MTRF1: variants seen among roughly 807,000 people sequenced by gnomAD.
MTRF1 encodes mitochondrial translation release factor 1.
Under a neutral mutation model 62.9 loss-of-function variants are expected in MTRF1, and 51 were observed. The ratio of observed to expected loss-of-function variants is 0.81; its 90% CI spans 0.65 to 1.02. The LOEUF is 1.02. Ranked by LOEUF, MTRF1 falls within the 50% of genes least tolerant of loss-of-function variation. The pLI, the probability that MTRF1 is intolerant of heterozygous loss-of-function variation, is 0.00. For missense variants in MTRF1, 446 were observed against 530.0 expected (o/e 0.84, Z 1.56); for synonymous variants, 158 against 181.9 (o/e 0.87, Z 1.06).
the MTRF1 span, among the ~76,000 whole-genome samples, chr13:41,296,064 C>G: frequency 6.6e-6 from 1 of 152,158 alleles, no homozygotes; most frequent in African/African-American, 2.4e-5. Flanking sequence ...AATCCTTGGT[C>G]TCCTGAGTAG....
At chr13:41,275,304 C>T in the MTRF1 span, among the ~76,000 whole-genome samples, 10 of 150,290 alleles carry the variant, frequency 6.7e-5, no homozygotes, top group African/African-American at 2.5e-4. Context: ...GGGTTCATGC[C>T]ATTCTTTTGC....
At chr13:41,244,685 A>G (rs1264092725) in intron 5 of MTRF1, among the ~76,000 whole-genome samples, 1 of 152,196 alleles carries the variant, frequency 6.6e-6, no homozygotes, top group African/African-American at 2.4e-5. Context: ...ACAGGTCGCT[A>G]TGTTGGGAAT....
chr13:41,255,766 G>A (rs73473174), intron 2 of MTRF1, among the ~76,000 whole-genome samples: 1 of 152,206 alleles, frequency 6.6e-6, no homozygotes, highest in East Asian at 1.9e-4. Context: ...TGGAGAAAAT[G>A]GGCCTTTTTC....
intron 9 of MTRF1, chr13:41,220,441 C>T: frequency 2.0e-6 from 1 of 511,282 alleles, no homozygotes; most frequent in Non-Finnish European, 3.3e-6. Flanking sequence ...GTCAAGAAAT[C>T]TGCACAAGGA....
chr13:41,242,810 G>A (rs763760865), intron 5 of MTRF1, among the ~76,000 whole-genome samples: 6 of 152,216 alleles, frequency 3.9e-5, no homozygotes, highest in Middle Eastern at 3.4e-3. Context: ...ATGGCTGGGC[G>A]CAGTGGTTCA....
At chr13:41,307,554 G>T in the MTRF1 span, among the ~76,000 whole-genome samples, 1 of 151,684 alleles carries the variant, frequency 6.6e-6, no homozygotes, top group African/African-American at 2.4e-5. Context: ...AACCCAGGAG[G>T]TTGCAGTGAC....
intron 8 of MTRF1, 74 bp downstream of exon 8, chr13:41,226,358 C>T (rs2034431209): frequency 1.4e-6 from 2 of 1,456,112 alleles, no homozygotes; most frequent in South Asian, 1.3e-5. Flanking sequence ...TAAGCAAGAA[C>T]AAACACTGCA....
the MTRF1 span, among the ~76,000 whole-genome samples, chr13:41,269,545 CAA>C: frequency 9.6e-6 from 1 of 104,488 alleles, no homozygotes; most frequent in Non-Finnish European, 2.1e-5. Context: ...TTCAATTAGA[CAA>C]AAATTGTTCA....
chr13:41,224,777 T>C (rs1210536907), intron 8 of MTRF1, among the ~76,000 whole-genome samples: 2 of 152,238 alleles, frequency 1.3e-5, no homozygotes, highest in African/African-American at 4.8e-5. Context: ...TTCTAAGCCT[T>C]AGAAATCCCT....
At chr13:41,301,742 C>T in the MTRF1 span, among the ~76,000 whole-genome samples, 495 of 150,062 alleles carry the variant, frequency 3.3e-3, 4 homozygotes, top group African/African-American at 0.01. Flanking sequence ...AGTGAGACTC[C>T]GTCTCAAAAA....
At chr13:41,304,216 C>A in the MTRF1 span, among the ~76,000 whole-genome samples, 1 of 152,142 alleles carries the variant, frequency 6.6e-6, no homozygotes, top group Admixed American at 6.5e-5. Context: ...ACCTTGTGGA[C>A]TGAGAAACTT....
Position 41,260,634 on chromosome 13 carries a change from A to G in MTRF1, c.274T>C (p.Cys92Arg), listed in dbSNP as rs781228010. ...LSKEYQTLEQ[C>R]LQHIPVNEEN... ...TCATTCACAGGGATATGCTGCAGAC[A>G]TTGCTCAAGTGTTTGGTACTCCTTA... The change falls in exon 2 of 10, where the codon TGT becomes CGT. Residue 92 changes from cysteine to arginine, a missense_variant. Coordinates refer to ENST00000379480, the MANE Select transcript of MTRF1 (RefSeq NM_004294.4). 1.2e-6 allele frequency: 2 copies of G among 1,614,128 alleles called. No individual in the cohort carries two copies. The highest frequency in any genetic ancestry group is 1.7e-6 in the Non-Finnish European group (2 of 1,180,002).
rs1477282857 is a variant in MTRF1, at chr13:41,223,371, A to G, written c.1126-17T>C. On this transcript the variant is annotated splice_polypyrimidine_tract_variant and intron_variant, in intron 8 of 9. Transcript: ENST00000379480. ...TGTTCCCACCTGTGCCATAACAAAA[A>G]GCAATTTATATTTTACCTTTATAAA... 10 of 1,598,728 alleles carry G rather than the reference A, an allele frequency of 6.3e-6. No homozygotes were observed. The highest frequency in any genetic ancestry group is 8.6e-6 in the Non-Finnish European group (10 of 1,167,682).
the MTRF1 span, among the ~76,000 whole-genome samples, chr13:41,275,274 C>T: frequency 6.6e-6 from 1 of 151,596 alleles, no homozygotes; most frequent in Admixed American, 6.6e-5. Flanking sequence ...GATCTCAGCT[C>T]GCTGCAAGCT....
upstream of MTRF1, among the ~76,000 whole-genome samples, chr13:41,265,839 GTTTTTTGTTTTTTTGT>G (rs955656428): frequency 6.6e-6 from 1 of 152,040 alleles, no homozygotes; most frequent in Non-Finnish European, 1.5e-5. Flanking sequence ...CCAGCTGGTG[GTTTTTTGTTTTTTTGT>G]TTTTTTGTTT....
upstream of MTRF1, among the ~76,000 whole-genome samples, chr13:41,268,350 G>T (rs2040864025): frequency 6.6e-6 from 1 of 152,046 alleles, no homozygotes; most frequent in Non-Finnish European, 1.5e-5. Flanking sequence ...ATCAAAAAAA[G>T]ACTTAATTTA....
Position 41,263,273 on chromosome 13 carries a change from AC to A in MTRF1, c.-9+211del. The A allele has an allele frequency of 2.3e-6, 3 of 1,289,308 alleles. No homozygotes were observed. The South Asian group carries it at 3.7e-5, about 16-fold the overall frequency. 79.9% of individuals were successfully genotyped at this position (1,289,308 alleles called of 1,614,324 possible). On this transcript the variant is annotated intron_variant, in intron 1 of 9. Transcript: ENST00000379480. ...ATGTTTACTCTCCAAGGTTAACTAC[AC>A]CTGAGAACAGCACGACTTCTCCATT... is the stretch of plus-strand genomic sequence containing the variant.
the MTRF1 span, among the ~76,000 whole-genome samples, chr13:41,302,348 G>C: frequency 6.6e-6 from 1 of 151,758 alleles, no homozygotes; most frequent in Admixed American, 6.6e-5. Context: ...TTCTTAGGGT[G>C]CTTCTGGAAA....
chr13:41,249,304 G>A (rs9594506), intron 5 of MTRF1, among the ~76,000 whole-genome samples: 2,451 of 152,282 alleles, frequency 0.016, 81 homozygotes, highest in African/African-American at 0.055. Context: ...TACTTTGGGA[G>A]GCCGAGGTGG....
Sources: allele counts gnomAD v4.1 joint callset (sites outside exome capture counted in the v4.1 genomes callset), GRCh38; gene constraint gnomAD v4.1.1; transcripts MANE v1.5; gene names NCBI Gene and HGNC (gene_info 2026-07-23, HGNC 2026-07-21).